The following PARP15 variants were observed in gnomAD, a reference collection of about 807,000 sequenced individuals.
PARP15 encodes the protein poly(ADP-ribose) polymerase family member 15, also known as protein mono-ADP-ribosyltransferase PARP15.
Under a neutral mutation model 62.1 loss-of-function variants are expected in PARP15, and 50 were observed. The ratio of observed to expected loss-of-function variants is 0.81; its 90% CI spans 0.64 to 1.02. The LOEUF (loss-of-function observed/expected upper bound fraction) is 1.02, where lower values mean the gene tolerates loss of function less well. Ranked by LOEUF, PARP15 falls within the 50% of genes least tolerant of loss-of-function variation. The probability of loss-of-function intolerance (pLI) is 0.00; values close to 1 mark genes in which losing one functional copy is unlikely to be tolerated. For missense variants in PARP15, 820 were observed against 826.5 expected, an observed-to-expected ratio of 0.99 and a Z score of 0.10; for synonymous variants, 309 against 293.1, an observed-to-expected ratio of 1.05 and a Z score of -0.55.
intron 8 of PARP15, among the ~76,000 whole-genome samples, chr3:122,623,368 A>G (rs1381056643): frequency 6.6e-6 from 1 of 152,214 alleles, no homozygotes; most frequent in Non-Finnish European, 1.5e-5. Flanking sequence ...AGACATTGTA[A>G]CCAAGAATGA....
intron 1 of PARP15, among the ~76,000 whole-genome samples, chr3:122,588,501 A>G (rs905808822): frequency 6.6e-6 from 1 of 152,146 alleles, no homozygotes; most frequent in African/African-American, 2.4e-5. Context: ...ATCTACTTTT[A>G]GAAATTTTCA....
intron 1 of PARP15, among the ~76,000 whole-genome samples, chr3:122,584,562 T>A (rs1933253562): frequency 7.1e-6 from 1 of 139,930 alleles, no homozygotes. Flanking sequence ...GAAATATTCA[T>A]CCATTTCTTT....
At chr3:122,593,084 T>TTTTCTGTCTGTCTATC (rs1161750482) in intron 1 of PARP15, among the ~76,000 whole-genome samples, 3 of 63,986 alleles carry the variant, frequency 4.7e-5, no homozygotes, top group Non-Finnish European at 1.0e-4. Flanking sequence ...AAAGATAAAA[T>TTTTCTGTCTGTCTATC]TATCTGTCTA....
chr3:122,621,353 C>T (rs1470188280), intron 7 of PARP15, 91 bp from the exon 8 acceptor site: 14 of 1,367,858 alleles, frequency 1.0e-5, no homozygotes, highest in South Asian at 7.4e-5. Context: ...ACAGCCTTCA[C>T]GGATGTCAGC....
At chr3:122,617,295 G>A (rs758574514) in intron 6 of PARP15, 131 bp downstream of exon 6, 4 of 972,210 alleles carry the variant, frequency 4.1e-6, no homozygotes, top group East Asian at 2.6e-5. Flanking sequence ...TCAGGAAGAC[G>A]TGGGTTGAAT....
intron 2 of PARP15, 120 bp from the exon 3 acceptor site, chr3:122,610,374 C>T: frequency 1.1e-6 from 1 of 885,370 alleles, no homozygotes; most frequent in Non-Finnish European, 1.7e-6. Context: ...GTGGGGCTGA[C>T]ATGTTAGTAT....
intron 1 of PARP15, among the ~76,000 whole-genome samples, chr3:122,593,900 G>A (rs1934142071): frequency 6.6e-6 from 1 of 152,140 alleles, no homozygotes; most frequent in Non-Finnish European, 1.5e-5. Flanking sequence ...AGGGAAATAT[G>A]CATAATTACT....
At chr3:122,591,848 G>C (rs1276974660) in intron 1 of PARP15, among the ~76,000 whole-genome samples, 2 of 151,064 alleles carry the variant, frequency 1.3e-5, no homozygotes, top group Non-Finnish European at 1.5e-5. Context: ...GCTACTTTGA[G>C]ATTCCAGGCG....
intron 10 of PARP15, among the ~76,000 whole-genome samples, chr3:122,634,784 C>T (rs6807928): frequency 0.026 from 3,903 of 152,268 alleles, 168 homozygotes; most frequent in African/African-American, 0.089. Flanking sequence ...TATATACCAA[C>T]AAGCACTATT....
At chr3:122,592,944 C>A (rs1032715820) in intron 1 of PARP15, among the ~76,000 whole-genome samples, 1 of 152,150 alleles carries the variant, frequency 6.6e-6, no homozygotes, top group African/African-American at 2.4e-5. Context: ...GTGCCCTTAT[C>A]CACTATGCCA....
intron 10 of PARP15, among the ~76,000 whole-genome samples, chr3:122,633,866 C>T (rs4677968): frequency 0.18 from 26,639 of 152,144 alleles, 2,908 homozygotes; most frequent in Non-Finnish European, 0.24. Context: ...TGAAAACCCC[C>T]AACTTTGGAT....
chr3:122,578,050 GGT>G (rs750457810), intron 1 of PARP15, among the ~76,000 whole-genome samples, 197 bp downstream of exon 1: 17 of 120,212 alleles, frequency 1.4e-4, no homozygotes, highest in East Asian at 5.3e-4. Flanking sequence ...CATTTCTGGT[GGT>G]TTTTTTTTTT....
chr3:122,629,024 A>G (rs1336891614), intron 9 of PARP15, among the ~76,000 whole-genome samples: 2 of 152,256 alleles, frequency 1.3e-5, no homozygotes, highest in East Asian at 3.8e-4. Context: ...CACCAAGTAT[A>G]TATCAGATAT....
intron 1 of PARP15, chr3:122,594,434 C>A: frequency 2.1e-6 from 1 of 486,688 alleles, no homozygotes; most frequent in Non-Finnish European, 2.7e-6. Flanking sequence ...TTACTATTAT[C>A]ATATTACAAA....
chr3:122,616,905 TG>T, intron 5 of PARP15, 109 bp from the exon 6 acceptor site: 2 of 1,287,006 alleles, frequency 1.6e-6, no homozygotes, highest in Admixed American at 2.3e-5. Flanking sequence ...CGGTTTATGT[TG>T]GGGGAAAAGA....
At chr3:122,607,393 C>T (rs1467098693) in intron 2 of PARP15, among the ~76,000 whole-genome samples, 1 of 152,190 alleles carries the variant, frequency 6.6e-6, no homozygotes, top group Non-Finnish European at 1.5e-5. Context: ...AGCCACTGAT[C>T]TTGGTCAATA....
intron 10 of PARP15, 87 bp downstream of exon 10, chr3:122,632,306 T>A (rs1258475258): frequency 3.2e-6 from 4 of 1,262,312 alleles, no homozygotes; most frequent in Non-Finnish European, 4.4e-6. Flanking sequence ...CTTCCTTCCT[T>A]TGTACCTTAC....
At chr3:122,608,292 T>G (rs1935314276) in intron 2 of PARP15, among the ~76,000 whole-genome samples, 1 of 141,742 alleles carries the variant, frequency 7.1e-6, no homozygotes, top group South Asian at 2.5e-4. Context: ...CTCGGCTCAC[T>G]ACAACCTCCG....
At chr3:122,623,882 G>A (rs779295158) in intron 8 of PARP15, among the ~76,000 whole-genome samples, 1 of 152,150 alleles carries the variant, frequency 6.6e-6, no homozygotes, top group Non-Finnish European at 1.5e-5. Context: ...AGGGGCTCAC[G>A]CCTGTAATCC....
Sources: gnomAD v4.1 joint callset for allele counts (sites outside exome capture counted in the v4.1 genomes callset) on GRCh38, gnomAD v4.1.1 for gene constraint, MANE v1.5 for transcripts, NCBI Gene and HGNC (gene_info 2026-07-23, HGNC 2026-07-21) for gene names.